The following CAMK2D variants were observed in gnomAD, a reference collection of about 807,000 sequenced individuals.
The protein encoded by CAMK2D is calcium/calmodulin dependent protein kinase II delta, also known as calcium/calmodulin-dependent protein kinase type II subunit delta.
In CAMK2D, 37 loss-of-function variants were observed where a neutral mutation model predicts 84.0. That is an observed-to-expected ratio of 0.44 (90% CI 0.34 to 0.58). CAMK2D has a LOEUF of 0.58. Ranked by LOEUF, CAMK2D falls within the 20% of genes least tolerant of loss-of-function variation. The pLI is 0.02. For missense variants in CAMK2D, 448 were observed against 652.5 expected (o/e 0.69, Z 3.41); for synonymous variants, 202 against 212.5 (o/e 0.95, Z 0.43).
At chr4:113,702,840 A>G (rs2099425919) in intron 2 of CAMK2D, among the ~76,000 whole-genome samples, 1 of 152,210 alleles carries the variant, frequency 6.6e-6, no homozygotes, top group African/African-American at 2.4e-5. Flanking sequence ...CAGAGGCTAC[A>G]GTGAGCTGTG....
intron 2 of CAMK2D, among the ~76,000 whole-genome samples, chr4:113,673,256 A>G (rs1429006334): frequency 1.3e-5 from 2 of 152,212 alleles, no homozygotes; most frequent in African/African-American, 2.4e-5. Flanking sequence ...ACTACTACCT[A>G]TTTTAAATCT....
At position 113,747,319 on chromosome 4, in the gene CAMK2D, T is replaced by A. The variant is rs199726691; in HGVS notation, c.160+12001A>T. Among the ~76,000 whole-genome samples, 174 of 147,342 alleles carry A rather than the reference T, an allele frequency of 1.2e-3. 1 individual carries two copies. Among genetic ancestry groups the A allele is most frequent in the African/African-American group, 4.0e-3 (163 of 40,744 alleles). ...AGAATTTTGAACTTTTTTTTTTTTT[T>A]AAATTCAATAGGAAAAGCGTATGCA... On this transcript the variant is annotated intron_variant, in intron 2 of 20. Transcript: ENST00000511664.
rs532955384 is a variant in CAMK2D, at chr4:113,602,487, C to T, written c.275+6665G>A. ...TGTAGAGTTTTCTCTCCTGCCCTCT[C>T]TCCAGGGAAGGCAGAAGTTAGTGAC... On this transcript the variant is annotated intron_variant, in intron 4 of 20. Coordinates refer to ENST00000511664, the MANE Select transcript of CAMK2D (RefSeq NM_001321571.2). Among the ~76,000 whole-genome samples the T allele has an allele frequency of 1.9e-3, 296 of 152,334 alleles. 2 individuals carry two copies. Among genetic ancestry groups the T allele is most frequent in the Non-Finnish European group, 1.6e-3 (112 of 68,028 alleles).
intron 2 of CAMK2D, among the ~76,000 whole-genome samples, chr4:113,691,596 T>C (rs928411009): frequency 6.6e-6 from 1 of 151,698 alleles, no homozygotes; most frequent in African/African-American, 2.4e-5. Context: ...CTATGAAAAG[T>C]ACAAAAATTA....
chr4:113,470,064 G>A (rs1463492511), intron 16 of CAMK2D, among the ~76,000 whole-genome samples: 1 of 151,436 alleles, frequency 6.6e-6, no homozygotes, highest in Non-Finnish European at 1.5e-5. Flanking sequence ...CCTTCTATTT[G>A]AACTCTTCTA....
intron 8 of CAMK2D, among the ~76,000 whole-genome samples, chr4:113,518,070 A>T (rs2098309745): frequency 6.6e-6 from 1 of 152,148 alleles, no homozygotes; most frequent in Admixed American, 6.5e-5. Flanking sequence ...ACTTGTTTTG[A>T]TGGTCATTGG....
At chr4:113,745,855 C>T (rs906340064) in intron 2 of CAMK2D, among the ~76,000 whole-genome samples, 9 of 152,192 alleles carry the variant, frequency 5.9e-5, no homozygotes, top group Admixed American at 6.5e-5. Context: ...AGCTGGATAA[C>T]GCTGTCTCCT....
rs2098592425 is a variant in CAMK2D at position 113,547,682 on chromosome 4, G to A, written c.376C>T (p.His126Tyr). 1 of 1,569,860 alleles carries A rather than the reference G, an allele frequency of 6.4e-7. No individual in the cohort carries two copies. ...TGGACCACGCCCATCTGATGGCAGT[G>A]TAGCACAGCCTCCAGGATCTGCTGA... ...CIQQILEAVLHCHQMGVVHRD... is the reference protein window; with the variant it reads ...CIQQILEAVLYCHQMGVVHRD... Residue 126 changes from histidine (H) to tyrosine (Y), a missense_variant, in exon 6 of 21, where the codon CAC becomes TAC. This residue lies in a region of CAMK2D where 60 missense variants were observed against 70.0 expected (regional missense o/e 0.86). Transcript: ENST00000511664.
At position 113,465,605 on chromosome 4, in the gene CAMK2D, C is replaced by T; in HGVS notation, c.1136-1G>A. ...ACTTTGATAATCTCTTGCTTTCGTGCTAAAGGCAAAAATATGGAGTTGGGT... is the reference window on the plus strand; with the variant it reads ...ACTTTGATAATCTCTTGCTTTCGTGTTAAAGGCAAAAATATGGAGTTGGGT... On this transcript the variant is annotated splice_acceptor_variant, in intron 16 of 20. Coordinates refer to ENST00000511664, the MANE Select transcript of CAMK2D (RefSeq NM_001321571.2). LOFTEE classifies it high-confidence loss of function. 1 of 1,595,740 alleles carries T rather than the reference C, an allele frequency of 6.3e-7. No homozygotes were observed. The highest frequency in any genetic ancestry group is 8.6e-7 in the Non-Finnish European group (1 of 1,164,138).
intron 4 of CAMK2D, among the ~76,000 whole-genome samples, chr4:113,570,939 A>C (rs2098750567): frequency 6.6e-6 from 1 of 152,156 alleles, no homozygotes; most frequent in Non-Finnish European, 1.5e-5. Flanking sequence ...GAAACAAACA[A>C]CTCAACAGTA....
chr4:113,516,737 C>T (rs908762341), intron 9 of CAMK2D, among the ~76,000 whole-genome samples: 2 of 152,080 alleles, frequency 1.3e-5, no homozygotes, highest in Admixed American at 6.6e-5. Context: ...TCAACTTGTG[C>T]ACAAAAGGTG....
chr4:113,469,875 T>A (rs1423640114), intron 16 of CAMK2D, among the ~76,000 whole-genome samples: 1 of 152,186 alleles, frequency 6.6e-6, no homozygotes, highest in Non-Finnish European at 1.5e-5. Flanking sequence ...TGACTTTTTT[T>A]CCTCTTCACC....
chr4:113,688,712 G>A (rs1045234885), intron 2 of CAMK2D, among the ~76,000 whole-genome samples: 2 of 151,844 alleles, frequency 1.3e-5, no homozygotes, highest in South Asian at 2.1e-4. Context: ...GCCAACTTCC[G>A]GACCCTATAT....
At chr4:113,749,494 T>C (rs1207439825) in intron 2 of CAMK2D, among the ~76,000 whole-genome samples, 2 of 152,200 alleles carry the variant, frequency 1.3e-5, no homozygotes, top group Admixed American at 6.5e-5. Flanking sequence ...ATCCATGATA[T>C]GTATATCTAA....
At chr4:113,551,056 G>A (rs2098624571) in intron 5 of CAMK2D, among the ~76,000 whole-genome samples, 2 of 152,144 alleles carry the variant, frequency 1.3e-5, no homozygotes, top group South Asian at 4.1e-4. Context: ...TGATGGCATT[G>A]GAGAATGGGA....
chr4:113,513,401 T>A lies in CAMK2D; in HGVS notation c.904-31A>T, dbSNP rs769617931. On this transcript the variant is annotated intron_variant, in intron 11 of 20. Transcript: ENST00000511664. Reference sequence around the variant, plus strand: ...AAAAAAATTAGAACACAAAAGTCAGTGTTGCCTATGCAAATTCTGGACCTA... The same window carrying A: ...AAAAAAATTAGAACACAAAAGTCAGAGTTGCCTATGCAAATTCTGGACCTA... 6 of 1,402,442 alleles carry A rather than the reference T, an allele frequency of 4.3e-6. No individual in the cohort carries two copies. The Admixed American group carries it at 8.4e-5, about 20-fold the overall frequency. 86.9% of individuals were successfully genotyped at this position (1,402,442 alleles called of 1,614,324 possible). A position where few individuals can be genotyped will look rare whatever the true frequency, so the allele number is the denominator to read the frequency against.
At position 113,581,532 on chromosome 4, in the gene CAMK2D, AAG is replaced by A. The variant is rs1388888402; in HGVS notation, c.275+27618_275+27619del. ...TTCTCATAAAAAAAAAAAAAAAAAA[AAG>A]AAAAGAAAAGAAAAGAAAAAGACCA... On this transcript the variant is annotated intron_variant, in intron 4 of 20. Coordinates refer to ENST00000511664, the MANE Select transcript of CAMK2D (RefSeq NM_001321571.2). Among the ~76,000 whole-genome samples the A allele has an allele frequency of 7.7e-4, 114 of 148,644 alleles. 2 individuals are homozygous for A. In the South Asian group the frequency reaches 0.015, roughly 19 times the overall value.
In CAMK2D at chr4:113,461,091, T is replaced by A. The variant is rs538743274; in HGVS notation, c.1212-850A>T. On this transcript the variant is annotated intron_variant, in intron 17 of 20. Coordinates refer to ENST00000511664, the MANE Select transcript of CAMK2D (RefSeq NM_001321571.2). Reference sequence around the variant, plus strand: ...TCACACCCTACACTTCCTGGCAATGTCCACAAGACTTACATCTTATTATTG... The same window carrying A: ...TCACACCCTACACTTCCTGGCAATGACCACAAGACTTACATCTTATTATTG... Among the ~76,000 whole-genome samples, 75 of 152,330 alleles carry A rather than the reference T, an allele frequency of 4.9e-4. 2 individuals are homozygous for A. The South Asian group carries it at 0.016, about 32-fold the overall frequency.
At chr4:113,505,699 A>G (rs901200523) in intron 13 of CAMK2D, among the ~76,000 whole-genome samples, 9 of 152,150 alleles carry the variant, frequency 5.9e-5, no homozygotes, top group African/African-American at 1.7e-4. Context: ...TTTTCTGTCA[A>G]TGTGCTACTG....
Sources: allele counts gnomAD v4.1 joint callset (sites outside exome capture counted in the v4.1 genomes callset), GRCh38; gene constraint gnomAD v4.1.1; regional missense constraint gnomAD v4.1.1; transcripts MANE v1.5; gene names NCBI Gene and HGNC (gene_info 2026-07-23, HGNC 2026-07-21).